DOCK8: variants seen among roughly 807,000 people sequenced by gnomAD.
DOCK8 encodes the protein dedicator of cytokinesis 8.
DOCK8 carries 141 observed loss-of-function variants against 245.6 expected under a neutral mutation model. The ratio of observed to expected loss-of-function variants is 0.57; its 90% CI spans 0.50 to 0.66. DOCK8 has a LOEUF of 0.66. Among genes scored for constraint, DOCK8 ranks in the 30% least tolerant of loss-of-function variants. The pLI is 0.00. For synonymous variants in DOCK8, 1,168 were observed against 970.2 expected (o/e 1.20, Z -3.79); for missense variants, 2,965 against 2,603.4 (o/e 1.14, Z -3.02).
chr9:347,814 A>G (rs1279402354), intron 14 of DOCK8, among the ~76,000 whole-genome samples: 1 of 152,150 alleles, frequency 6.6e-6, no homozygotes, highest in Admixed American at 6.5e-5. Flanking sequence ...AAGAATGAAA[A>G]AATTCAGGAG....
chr9:443,537 A>C, intron 43 of DOCK8, 21 bp downstream of exon 43: 1 of 1,584,770 alleles, frequency 6.3e-7, no homozygotes, highest in Non-Finnish European at 8.7e-7. Flanking sequence ...ATTTACAAAA[A>C]CTAACCATCA....
At chr9:336,489 C>A in intron 11 of DOCK8, 93 bp from the exon 12 acceptor site, 2 of 1,538,098 alleles carry the variant, frequency 1.3e-6, no homozygotes, top group South Asian at 1.1e-5. Context: ...TGTTCCTGAT[C>A]AGTGACTTTA....
At chr9:215,693 G>C in intron 1 of DOCK8, 1 of 336,978 alleles carries the variant, frequency 3.0e-6, no homozygotes, top group Non-Finnish European at 5.6e-6. Flanking sequence ...CCAGCAAAAA[G>C]CTAAGGACTG....
At chr9:405,145 A>G (rs1315055896) in intron 27 of DOCK8, 72 bp downstream of exon 27, 4 of 1,443,810 alleles carry the variant, frequency 2.8e-6, no homozygotes, top group African/African-American at 1.4e-5. Flanking sequence ...TTAATCATGT[A>G]TTTCCTATAA....
intron 6 of DOCK8, among the ~76,000 whole-genome samples, chr9:313,790 G>A (rs1259400270): frequency 1.3e-5 from 2 of 152,180 alleles, no homozygotes; most frequent in Admixed American, 6.5e-5. Context: ...AAGTTGGTGA[G>A]GTGATAGATA....
At chr9:277,808 A>G (rs913977882) in intron 2 of DOCK8, among the ~76,000 whole-genome samples, 4 of 152,230 alleles carry the variant, frequency 2.6e-5, no homozygotes, top group African/African-American at 9.7e-5. Context: ...CCATGGTTAC[A>G]TGGCATGTTT....
rs2057152323 is a variant in DOCK8 at position 443,365 on chromosome 9, G to A, written c.5491-62G>A. 6.0e-6 allele frequency: 9 copies of A among 1,494,126 alleles called. No homozygotes were observed. The South Asian group carries it at 1.0e-4, about 17-fold the overall frequency. The allele number at this position is 1,494,126 out of a possible 1,614,324, so 92.6% of individuals were successfully genotyped here. On this transcript the variant is annotated intron_variant, in intron 42 of 47. Coordinates refer to ENST00000432829, the MANE Select transcript of DOCK8 (RefSeq NM_203447.4). ...TGCTCCAAACTTATTTCACTTCCAA[G>A]AAGACAAAGAGTTGCATTATGTTAA...
In DOCK8 at chr9:368,002, A is replaced by T; in HGVS notation, c.1680-16A>T. On this transcript the variant is annotated splice_polypyrimidine_tract_variant and intron_variant, in intron 14 of 47. Coordinates refer to ENST00000432829, the MANE Select transcript of DOCK8 (RefSeq NM_203447.4). ...TCTAGACCTTTTTCATTGATTCTTT[A>T]TCTCTTCTTTTCCAGAAACCTTCTC... 6.3e-7 allele frequency: 1 copy of T among 1,586,022 alleles called. No homozygotes were observed. The highest frequency in any genetic ancestry group is 8.7e-7 in the Non-Finnish European group (1 of 1,154,608).
rs115795592 is a variant in DOCK8 at position 390,409 on chromosome 9, A to G, written c.2875-62A>G. ...TTGGGGGGAATAAAAGAAAAGAAAAAAAGTGTTGGTGAATAATAATAGCCT... is the reference window on the plus strand; with the variant it reads ...TTGGGGGGAATAAAAGAAAAGAAAAGAAGTGTTGGTGAATAATAATAGCCT... On this transcript the variant is annotated intron_variant, in intron 23 of 47. Transcript: ENST00000432829. 3,999 of 1,472,802 alleles carry G rather than the reference A, an allele frequency of 2.7e-3. 86 individuals are homozygous for G. In the African/African-American group the frequency reaches 0.049, roughly 18 times the overall value. 91.2% of individuals were successfully genotyped at this position (1,472,802 alleles called of 1,614,324 possible).
chr9:286,593 C>A lies in DOCK8; in HGVS notation c.289C>A (p.Pro97Thr), dbSNP rs529208. ...TGACGACTTGGACGTGGTGTTCACG[C>A]CAAAGGAATGTAGGACTTTGCAGCC... ...TDDDLDVVFT[P>T]KECRTLQPSL... is the part of the protein sequence containing the mutation. The change falls in exon 3 of 48, where the codon CCA (proline) becomes ACA (threonine). Residue 97 changes from proline to threonine, a missense_variant. This residue lies in a region of DOCK8 where 2,825 missense variants were observed against 2,453.5 expected (regional missense o/e 1.15). Transcript: ENST00000432829. 806,303 of 1,613,234 alleles carry A rather than the reference C, an allele frequency of 0.5. 204,070 individuals carry two copies. The highest frequency in any genetic ancestry group is 0.74 in the East Asian group (33,284 of 44,844).
At position 214,925 on chromosome 9, in the gene DOCK8, C is replaced by T. The variant is rs2046703443; in HGVS notation, c.-52C>T. 1.9e-6 allele frequency: 3 copies of T among 1,604,030 alleles called. No homozygotes were observed. Among genetic ancestry groups the T allele is most frequent in the Admixed American group, 1.7e-5 (1 of 59,244 alleles). ...GCGGCTACTCTGCGGCGCGCCAGGC[C>T]CCCGCTTTCCGCACCCCGCGACCCT... On this transcript the variant is annotated 5_prime_UTR_variant, in exon 1 of 48. Transcript: ENST00000432829.
Position 414,793 on chromosome 9 carries a change from T to C in DOCK8, c.3542T>C (p.Val1181Ala). ...LDAEGEGISK[V>A]QRKAVSAIHS... ...TGTTGTGCCAACAGAATCAGCAAAG[T>C]ACAAAGGAAAGCTGTCAGTGCAATT... Residue 1181 changes from valine to alanine, a missense_variant, in exon 29 of 48, where the codon GTA (valine) becomes GCA (alanine). Val to Ala is a moderately conservative substitution (Grantham distance 64). Around this residue, in one of 3 missense-constraint regions of DOCK8, gnomAD observed 2,825 missense variants for 2,453.5 expected, o/e 1.15. Coordinates refer to ENST00000432829, the MANE Select transcript of DOCK8 (RefSeq NM_203447.4). 6.2e-7 allele frequency: 1 copy of C among 1,614,224 alleles called. No homozygotes were observed. Among genetic ancestry groups the C allele is most frequent in the Non-Finnish European group, 8.5e-7 (1 of 1,180,032 alleles).
At chr9:352,306 C>T (rs1050255860) in intron 14 of DOCK8, among the ~76,000 whole-genome samples, 9 of 152,066 alleles carry the variant, frequency 5.9e-5, no homozygotes, top group South Asian at 2.1e-4. Context: ...TGATCCTCAC[C>T]GTGATGCTCT....
chr9:263,828 T>A (rs539076039), intron 1 of DOCK8, among the ~76,000 whole-genome samples: 1 of 152,374 alleles, frequency 6.6e-6, no homozygotes, highest in African/African-American at 2.4e-5. Context: ...GTTGGTTGCA[T>A]TATTACACTT....
chr9:377,244 C>T (rs1186724020), intron 20 of DOCK8, 33 bp downstream of exon 20: 1 of 1,528,598 alleles, frequency 6.5e-7, no homozygotes, highest in East Asian at 2.4e-5. Context: ...TGGGAGGAGG[C>T]AGGAGCAAGC....
At chr9:308,451 CA>C (rs1160898978) in intron 5 of DOCK8, among the ~76,000 whole-genome samples, 1 of 152,204 alleles carries the variant, frequency 6.6e-6, no homozygotes, top group Admixed American at 6.5e-5. Flanking sequence ...GCAATGTTTT[CA>C]ATTCCACTCT....
chr9:221,300 T>C (rs114653499), intron 1 of DOCK8, among the ~76,000 whole-genome samples: 4,811 of 152,120 alleles, frequency 0.032, 223 homozygotes, highest in African/African-American at 0.11. Flanking sequence ...TCATCACAGA[T>C]AGGAAAGGGC....
At chr9:413,255 A>G (rs190870896) in intron 28 of DOCK8, among the ~76,000 whole-genome samples, 5 of 152,294 alleles carry the variant, frequency 3.3e-5, no homozygotes, top group African/African-American at 1.2e-4. Flanking sequence ...ACAAAAACTA[A>G]CTCAAATAGA....
intron 4 of DOCK8, among the ~76,000 whole-genome samples, chr9:296,424 T>C (rs569980702): frequency 6.6e-6 from 1 of 152,306 alleles, no homozygotes; most frequent in African/African-American, 2.4e-5. Context: ...GCAGAGACAG[T>C]GAAACATTTC....
Sources: gnomAD v4.1 joint callset for allele counts (sites outside exome capture counted in the v4.1 genomes callset) on GRCh38, gnomAD v4.1.1 for gene constraint, gnomAD v4.1.1 regional missense constraint, MANE v1.5 for transcripts, NCBI Gene and HGNC (gene_info 2026-07-23, HGNC 2026-07-21) for gene names.